Variants in ATXN2 observed in about 807,000 individuals in gnomAD.
ATXN2 encodes the protein ataxin-2.
Under a neutral mutation model 138.6 loss-of-function variants are expected in ATXN2, and 37 were observed. The ratio of observed to expected loss-of-function variants is 0.27; its 90% confidence interval spans 0.21 to 0.35. The LOEUF is 0.35. Ranked by LOEUF, ATXN2 falls within the 10% of genes least tolerant of loss-of-function variation. The pLI is 1.00. For missense variants in ATXN2, 1,216 were observed against 1,480.3 expected (o/e 0.82, Z 2.93); for synonymous variants, 549 against 543.7 (o/e 1.01, Z -0.13).
chr12:111,485,120 C>CTA (rs1877544258), intron 18 of ATXN2, 145 bp downstream of exon 18: 1 of 639,782 alleles, frequency 1.6e-6, no homozygotes, highest in Admixed American at 2.4e-5. Flanking sequence ...ATGTGAATAT[C>CTA]TATGTAATGT....
intron 14 of ATXN2, among the ~76,000 whole-genome samples, chr12:111,503,787 G>A (rs979826902): frequency 2.0e-5 from 3 of 151,580 alleles, no homozygotes; most frequent in Non-Finnish European, 2.9e-5. Context: ...ATAGGGTTTC[G>A]CCATGTTATC....
At chr12:111,551,893 T>A (rs1475971447) in intron 5 of ATXN2, among the ~76,000 whole-genome samples, 2 of 152,146 alleles carry the variant, frequency 1.3e-5, no homozygotes, top group Non-Finnish European at 2.9e-5. Context: ...CTTTCTTTTT[T>A]TTTTTGAAAC....
chr12:111,545,413 T>A (rs894093390), intron 5 of ATXN2, among the ~76,000 whole-genome samples: 17 of 149,582 alleles, frequency 1.1e-4, no homozygotes, highest in Non-Finnish European at 3.0e-5. Context: ...CTGGCCAACA[T>A]GGTGAAACCC....
chr12:111,523,564 A>G (rs1880308059), intron 6 of ATXN2, among the ~76,000 whole-genome samples: 1 of 151,964 alleles, frequency 6.6e-6, no homozygotes, highest in African/African-American at 2.4e-5. Flanking sequence ...CGTCTCTACT[A>G]AAAATACAAA....
intron 23 of ATXN2, chr12:111,455,760 A>G (rs1875039837): frequency 7.4e-6 from 4 of 540,704 alleles, no homozygotes; most frequent in South Asian, 4.1e-5. Context: ...GAAAGGAAAG[A>G]AGGACTGGGT....
At chr12:111,521,094 G>A (rs1880134634) in intron 6 of ATXN2, 121 bp from the exon 7 acceptor site, 3 of 637,422 alleles carry the variant, frequency 4.7e-6, no homozygotes. Flanking sequence ...TAGCAAATTA[G>A]AAAATAGGAA....
intron 5 of ATXN2, among the ~76,000 whole-genome samples, chr12:111,545,962 G>GA (rs56313374): frequency 0.096 from 9,058 of 94,670 alleles, 1,257 homozygotes; most frequent in East Asian, 0.66. Context: ...AAGATCATCT[G>GA]AAAAAAAAAA....
intron 5 of ATXN2, among the ~76,000 whole-genome samples, chr12:111,528,777 T>C (rs879204251): frequency 6.6e-6 from 1 of 152,172 alleles, no homozygotes; most frequent in Non-Finnish European, 1.5e-5. Flanking sequence ...AATGAGGCTA[T>C]ATCATCAGGA....
intron 5 of ATXN2, among the ~76,000 whole-genome samples, chr12:111,531,931 CA>C (rs1880859483): frequency 6.6e-6 from 1 of 152,266 alleles, no homozygotes; most frequent in Non-Finnish European, 1.5e-5. Context: ...CAATGAAATG[CA>C]GTTATCAAAA....
intron 6 of ATXN2, among the ~76,000 whole-genome samples, chr12:111,522,622 AAG>A (rs778956610): frequency 2.3e-4 from 35 of 151,666 alleles, no homozygotes; most frequent in Admixed American, 3.9e-4. Context: ...AAGAAAAAAA[AAG>A]AGTTTCAGCC....
intron 1 of ATXN2, among the ~76,000 whole-genome samples, chr12:111,569,021 T>G (rs1036195531): frequency 1.3e-5 from 2 of 149,524 alleles, no homozygotes; most frequent in Admixed American, 6.6e-5. Flanking sequence ...GTTTTGTTTT[T>G]AGGAAACTGA....
rs758887103 is a variant in ATXN2 at position 111,510,016 on chromosome 12, A to T, written c.1757-18T>A. 350 of 1,533,100 alleles carry T rather than the reference A, an allele frequency of 2.3e-4. No homozygotes were observed. Among genetic ancestry groups the T allele is most frequent in the Middle Eastern group, 3.5e-4 (2 of 5,726 alleles). The allele number at this position is 1,533,100 out of a possible 1,614,324, so 95.0% of individuals were successfully genotyped here. The stretch of plus-strand genomic sequence containing the variant: ...ATCTTTAGCTAGAAAACAATTTTTT[A>T]AAAAAAATTCAGATAAGTTAGAAAA... On this transcript the variant is annotated intron_variant, in intron 12 of 24. Transcript: ENST00000673436.
At chr12:111,469,813 T>C in intron 20 of ATXN2, 1 of 403,822 alleles carries the variant, frequency 2.5e-6, no homozygotes, top group Non-Finnish European at 4.4e-6. Context: ...CAAAGCATAA[T>C]ATTGATGAGG....
intron 14 of ATXN2, among the ~76,000 whole-genome samples, chr12:111,503,391 C>T (rs979234538): frequency 6.6e-6 from 1 of 152,186 alleles, no homozygotes; most frequent in African/African-American, 2.4e-5. Context: ...GCCTAATATA[C>T]ACAGTGCAGA....
intron 20 of ATXN2, chr12:111,469,885 T>C (rs1205454634): frequency 1.8e-5 from 9 of 502,564 alleles, no homozygotes; most frequent in Non-Finnish European, 2.8e-5. Flanking sequence ...CATTACATTT[T>C]AGTTAAAGCA....
At chr12:111,484,122 T>A (rs11608565) in intron 18 of ATXN2, among the ~76,000 whole-genome samples, 31,190 of 152,036 alleles carry the variant, frequency 0.21, 3,318 homozygotes, top group East Asian at 0.33. Context: ...TTGGTTGAAG[T>A]TAGTTGCCCC....
intron 5 of ATXN2, among the ~76,000 whole-genome samples, chr12:111,541,381 T>C (rs147850370): frequency 0.095 from 13,306 of 139,656 alleles, 2,245 homozygotes; most frequent in African/African-American, 0.34. Flanking sequence ...AACAGAGTTT[T>C]ACTCTTGTTG....
chr12:111,598,130 G>A lies in ATXN2; in HGVS notation c.251+654C>T. The A allele has an allele frequency of 9.0e-7, 1 of 1,110,786 alleles. No homozygotes were observed. The highest frequency in any genetic ancestry group is 1.1e-6 in the Non-Finnish European group (1 of 899,216). 68.8% of individuals were successfully genotyped at this position (1,110,786 alleles called of 1,614,324 possible). A position where few individuals can be genotyped will look rare whatever the true frequency, so the allele number is the denominator to read the frequency against. ...TCAGGGGAGTTCGGGAGCCCCCGCC[G>A]CCGCCTCGGACACGAACGCAGAGGG... On this transcript the variant is annotated intron_variant, in intron 1 of 24. Transcript: ENST00000673436. This position sits in a 1 kb window ranked among gnomAD's most constrained non-coding sequence, Gnocchi z 4.5.
At position 111,488,730 on chromosome 12, in the gene ATXN2, A is replaced by G. The variant is rs1177005015; in HGVS notation, c.1986T>C (p.Asn662=). 6.2e-7 allele frequency: 1 copy of G among 1,610,758 alleles called. No homozygotes were observed. ...AATCTCTTGATTTTTCTCCCTCTCT[A>G]TTTTTGTTTAGTAGTTGATCCATAG... The part of the protein sequence containing the change: ...SESMDQLLNK[N]REGEKSRDLI... Residue 662 remains asparagine (N), a synonymous_variant, in exon 15 of 25, where the codon AAT becomes AAC. Transcript: ENST00000673436.
Sources: allele counts gnomAD v4.1 joint callset (sites outside exome capture counted in the v4.1 genomes callset), GRCh38; gene constraint gnomAD v4.1.1; non-coding constraint Gnocchi (gnomAD v3.1); transcripts MANE v1.5; gene names NCBI Gene and HGNC (gene_info 2026-07-23, HGNC 2026-07-21).